GRIN2A: variants seen among roughly 807,000 people sequenced by gnomAD.
GRIN2A encodes glutamate ionotropic receptor NMDA type subunit 2A.
In GRIN2A, 22 loss-of-function variants were observed where a neutral mutation model predicts 113.4. That is an observed-to-expected ratio of 0.19 (90% CI 0.14 to 0.28). The LOEUF is 0.28. GRIN2A is among the 10% of genes least tolerant of loss of function. GRIN2A has a pLI of 1.00. For synonymous variants in GRIN2A, 827 were observed against 738.4 expected (o/e 1.12, Z -1.94); for missense variants, 1,502 against 1,887.0 (o/e 0.80, Z 3.78).
chr16:9,917,310 G>C (rs189015487), intron 3 of GRIN2A, among the ~76,000 whole-genome samples: 19 of 152,194 alleles, frequency 1.2e-4, no homozygotes, highest in Admixed American at 3.3e-4. Flanking sequence ...TTCCCTATGA[G>C]ATTATAACCC....
At chr16:9,779,906 T>C (rs1352804833) in intron 11 of GRIN2A, among the ~76,000 whole-genome samples, 1 of 152,180 alleles carries the variant, frequency 6.6e-6, no homozygotes, top group Non-Finnish European at 1.5e-5. Context: ...GGAAAGTAAG[T>C]GGGGCAGACT....
rs138059122 is a variant in GRIN2A at position 10,095,001 on chromosome 16, G to C, written c.414+84997C>G. ...ATATTTGGAGATAGGGCTTTTAGGA[G>C]GTAACTAAGGTTAAATGAGGTCATA... On this transcript the variant is annotated intron_variant, in intron 2 of 12. Transcript: ENST00000330684. Among the ~76,000 whole-genome samples, 292 of 152,162 alleles carry C rather than the reference G, an allele frequency of 1.9e-3. 2 individuals are homozygous for C. Among genetic ancestry groups the C allele is most frequent in the African/African-American group, 6.7e-3 (279 of 41,492 alleles).
intron 10 of GRIN2A, among the ~76,000 whole-genome samples, chr16:9,814,152 T>G (rs970360556): frequency 6.6e-6 from 1 of 152,212 alleles, no homozygotes; most frequent in Non-Finnish European, 1.5e-5. Flanking sequence ...AGATCATCAA[T>G]TAATATGATA....
In GRIN2A at chr16:9,946,815, C is replaced by T. The variant is rs112989278; in HGVS notation, c.415-8264G>A. ...CTGGCAGCCACCCAACCACTATATACCATCCTAAGAAGAAAGCTATCAGAC... is the reference window on the plus strand; with the variant it reads ...CTGGCAGCCACCCAACCACTATATATCATCCTAAGAAGAAAGCTATCAGAC... On this transcript the variant is annotated intron_variant, in intron 2 of 12. Transcript: ENST00000330684. Among the ~76,000 whole-genome samples the T allele has an allele frequency of 7.9e-5, 12 of 152,264 alleles. No individual in the cohort carries two copies. The South Asian group carries it at 2.5e-3, about 32-fold the overall frequency.
chr16:9,826,303 C>T (rs1331453914), intron 9 of GRIN2A, among the ~76,000 whole-genome samples: 1 of 152,148 alleles, frequency 6.6e-6, no homozygotes, highest in Non-Finnish European at 1.5e-5. Flanking sequence ...TTTCCTCTGT[C>T]AGAGTGATTC....
chr16:9,812,120 A>G (rs1323223189), intron 10 of GRIN2A, among the ~76,000 whole-genome samples: 1 of 151,998 alleles, frequency 6.6e-6, no homozygotes, highest in Non-Finnish European at 1.5e-5. Flanking sequence ...CATATTTTTT[A>G]TTTTTTTTAC....
At chr16:10,172,652 A>C (rs1287446659) in intron 2 of GRIN2A, among the ~76,000 whole-genome samples, 1 of 152,254 alleles carries the variant, frequency 6.6e-6, no homozygotes, top group Non-Finnish European at 1.5e-5. Context: ...TCTCCAGCCA[A>C]CTGTTGCCAT....
chr16:9,828,935 G>T (rs76948953), intron 9 of GRIN2A, among the ~76,000 whole-genome samples: 186 of 152,292 alleles, frequency 1.2e-3, no homozygotes, highest in Non-Finnish European at 1.8e-3. Flanking sequence ...GACTGATTTG[G>T]CTGTATGGAA....
rs1303834964 is a variant in GRIN2A, at chr16:9,757,386, C to G, written c.*5763G>C. The stretch of plus-strand genomic sequence containing the variant: ...TTTTTTTTTTTTTAAAAAAGGTATG[C>G]TCATAGAATCAGATTATTTTTTTTT... On this transcript the variant is annotated 3_prime_UTR_variant, in exon 13 of 13. Transcript: ENST00000330684. 1 of 223,072 alleles carries G rather than the reference C, an allele frequency of 4.5e-6. No homozygotes were observed. The highest frequency in any genetic ancestry group is 5.8e-5 in the Admixed American group (1 of 17,304). The allele number at this position is 223,072 out of a possible 1,614,324, so 13.8% of individuals were successfully genotyped here.
intron 11 of GRIN2A, among the ~76,000 whole-genome samples, chr16:9,786,257 G>A (rs1902222792): frequency 6.6e-6 from 1 of 152,156 alleles, no homozygotes; most frequent in Non-Finnish European, 1.5e-5. Context: ...CTGTATCGAG[G>A]CCAAACATCT....
At chr16:10,132,359 G>T (rs200087136) in intron 2 of GRIN2A, among the ~76,000 whole-genome samples, 1 of 83,404 alleles carries the variant, frequency 1.2e-5, no homozygotes, top group Non-Finnish European at 2.7e-5. Flanking sequence ...AAAAAAAAAA[G>T]ATGTGAAATA....
chr16:9,850,947 C>T (rs970282540), intron 4 of GRIN2A, among the ~76,000 whole-genome samples: 2 of 152,152 alleles, frequency 1.3e-5, no homozygotes, highest in African/African-American at 2.4e-5. Flanking sequence ...CTCCCACACG[C>T]CATTGCTTGA....
chr16:9,964,195 G>A (rs1023705475), intron 2 of GRIN2A, among the ~76,000 whole-genome samples: 1 of 152,150 alleles, frequency 6.6e-6, no homozygotes. Context: ...GGACTTGAAG[G>A]GAATCGTCAA....
intron 2 of GRIN2A, among the ~76,000 whole-genome samples, chr16:10,069,520 T>C (rs1360494702): frequency 6.6e-6 from 1 of 152,188 alleles, no homozygotes; most frequent in Non-Finnish European, 1.5e-5. Context: ...CCACAGCCAG[T>C]GGATCTGCTC....
At position 9,850,070 on chromosome 16, in the gene GRIN2A, C is replaced by T. The variant is rs1359163446; in HGVS notation, c.1123-109G>A. The T allele has an allele frequency of 3.4e-6, 3 of 889,126 alleles. No individual in the cohort carries two copies. In the African/African-American group the frequency reaches 4.9e-5, roughly 15 times the overall value. The allele number at this position is 889,126 out of a possible 1,614,324, so 55.1% of individuals were successfully genotyped here. A position where few individuals can be genotyped will look rare whatever the true frequency, so the allele number is the denominator to read the frequency against. On this transcript the variant is annotated intron_variant, in intron 4 of 12. Transcript: ENST00000330684. ...TCCATCCGTCTCAAGGGCCTTTCTG[C>T]CACATATCTCAACATATGCATCTAC... is the stretch of plus-strand genomic sequence containing the variant.
At chr16:9,862,058 C>A (rs936773442) in intron 4 of GRIN2A, among the ~76,000 whole-genome samples, 6 of 152,148 alleles carry the variant, frequency 3.9e-5, no homozygotes, top group African/African-American at 1.4e-4. Context: ...TTTCAACCAG[C>A]GTCCTAGAGT....
intron 3 of GRIN2A, among the ~76,000 whole-genome samples, chr16:9,916,562 G>A (rs1054371652): frequency 2.6e-5 from 4 of 152,214 alleles, no homozygotes; most frequent in Non-Finnish European, 5.9e-5. Flanking sequence ...AGTGAAATGG[G>A]CTTTCTAATA....
chr16:9,872,491 C>T (rs9989389), intron 4 of GRIN2A, among the ~76,000 whole-genome samples: 34,416 of 152,112 alleles, frequency 0.23, 4,047 homozygotes, highest in African/African-American at 0.25. Context: ...TATAACTTGA[C>T]AGATGTCCCA....
intron 4 of GRIN2A, among the ~76,000 whole-genome samples, chr16:9,860,549 T>G (rs1187111740): frequency 6.6e-6 from 1 of 151,446 alleles, no homozygotes; most frequent in Non-Finnish European, 1.5e-5. Context: ...ATGTAAGGGA[T>G]GGGGATGAGG....
Sources: gnomAD v4.1 joint callset for allele counts (sites outside exome capture counted in the v4.1 genomes callset) on GRCh38, gnomAD v4.1.1 for gene constraint, MANE v1.5 for transcripts, NCBI Gene and HGNC (gene_info 2026-07-23, HGNC 2026-07-21) for gene names.